Variants in CDH4 observed in about 807,000 individuals in gnomAD.
The protein encoded by CDH4 is cadherin-4.
CDH4 carries 33 observed loss-of-function variants against 86.0 expected under a neutral mutation model. The observed-to-expected ratio is 0.38, with a 90% CI of 0.29 to 0.51. CDH4 has a LOEUF of 0.51. CDH4 is among the 20% of genes least tolerant of loss of function. The pLI is 0.86. For synonymous variants in CDH4, 555 were observed against 549.4 expected (o/e 1.01, Z -0.14); for missense variants, 1,114 against 1,307.4 (o/e 0.85, Z 2.28).
At chr20:61,620,879 G>A (rs933072970) in intron 2 of CDH4, among the ~76,000 whole-genome samples, 11 of 152,280 alleles carry the variant, frequency 7.2e-5, no homozygotes, top group South Asian at 2.1e-4. Flanking sequence ...TTTTCCCAGC[G>A]CCTCCACCAC....
chr20:61,453,960 A>G (rs1306379309), intron 2 of CDH4, among the ~76,000 whole-genome samples: 1 of 152,184 alleles, frequency 6.6e-6, no homozygotes, highest in Non-Finnish European at 1.5e-5. Flanking sequence ...CTTGTGAAGA[A>G]GGATAGGTTT....
At position 61,646,691 on chromosome 20, in the gene CDH4, C is replaced by T. The variant is rs114113370; in HGVS notation, c.170-96872C>T. ...AGACACAGATCAGGCCTCGGCGCCC[C>T]GGCTGCTCGCCTGCCTCCCTGAGTC... is the stretch of plus-strand genomic sequence containing the variant. On this transcript the variant is annotated intron_variant, in intron 2 of 15. Transcript: ENST00000614565. Among the ~76,000 whole-genome samples, 1,121 of 152,366 alleles carry T rather than the reference C, an allele frequency of 7.4e-3. 7 individuals carry two copies. The highest frequency in any genetic ancestry group is 0.025 in the African/African-American group (1,048 of 41,580).
At chr20:61,504,861 G>A (rs1209705572) in intron 2 of CDH4, among the ~76,000 whole-genome samples, 2 of 152,174 alleles carry the variant, frequency 1.3e-5, no homozygotes, top group Non-Finnish European at 2.9e-5. Flanking sequence ...ACCCGTACAC[G>A]CGTCCTCATC....
intron 2 of CDH4, among the ~76,000 whole-genome samples, chr20:61,275,424 T>G (rs1600825739): frequency 2.5e-4 from 7 of 27,572 alleles, no homozygotes; most frequent in Admixed American, 1.1e-3. Context: ...TTTGGGGGAG[T>G]ATTGGGGGAG....
intron 2 of CDH4, among the ~76,000 whole-genome samples, chr20:61,404,545 G>C (rs1295290887): frequency 6.6e-6 from 1 of 152,072 alleles, no homozygotes; most frequent in Non-Finnish European, 1.5e-5. Flanking sequence ...GAGGAGGCCT[G>C]ATTATTCCCG....
intron 2 of CDH4, among the ~76,000 whole-genome samples, chr20:61,481,052 CT>C (rs1290388232): frequency 6.6e-6 from 1 of 152,202 alleles, no homozygotes; most frequent in Admixed American, 6.5e-5. Context: ...CGGTTAAGAA[CT>C]TTGCCAAAGC....
intron 2 of CDH4, among the ~76,000 whole-genome samples, chr20:61,657,802 A>T (rs534225323): frequency 6.6e-6 from 1 of 152,358 alleles, no homozygotes; most frequent in East Asian, 1.9e-4. Context: ...ATGGGCCAAA[A>T]ATCAATAGTG....
intron 2 of CDH4, among the ~76,000 whole-genome samples, chr20:61,341,684 C>A (rs946585684): frequency 6.6e-6 from 1 of 152,044 alleles, no homozygotes; most frequent in Non-Finnish European, 1.5e-5. Context: ...TGATTAATTG[C>A]CATGTGCTAT....
chr20:61,688,267 A>G (rs1377472804), intron 2 of CDH4, among the ~76,000 whole-genome samples: 3 of 151,926 alleles, frequency 2.0e-5, no homozygotes, highest in Admixed American at 1.3e-4. Flanking sequence ...CTGCCAGATC[A>G]AGGGAATTTC....
At chr20:61,763,098 G>A (rs2088656645) in intron 3 of CDH4, among the ~76,000 whole-genome samples, 1 of 152,244 alleles carries the variant, frequency 6.6e-6, no homozygotes, top group Non-Finnish European at 1.5e-5. Context: ...TGACAAGTGA[G>A]GGATGCCACC....
intron 2 of CDH4, among the ~76,000 whole-genome samples, chr20:61,726,166 A>G (rs1431047306): frequency 6.6e-6 from 1 of 152,044 alleles, no homozygotes; most frequent in Non-Finnish European, 1.5e-5. Flanking sequence ...CTCCTGCAGC[A>G]ACAAGTGTGT....
chr20:61,906,828 G>T (rs1049409292), intron 8 of CDH4, among the ~76,000 whole-genome samples: 4 of 152,182 alleles, frequency 2.6e-5, no homozygotes, highest in Non-Finnish European at 5.9e-5. Flanking sequence ...GACCAGTGGT[G>T]TGTGCTGTGG....
chr20:61,692,296 T>G (rs1433967382), intron 2 of CDH4, among the ~76,000 whole-genome samples: 2 of 150,230 alleles, frequency 1.3e-5, no homozygotes, highest in African/African-American at 4.9e-5. Context: ...TGTGTGTCTG[T>G]GTGTGTGTGT....
chr20:61,918,614 AC>A (rs2054931283), intron 9 of CDH4, among the ~76,000 whole-genome samples: 1 of 151,994 alleles, frequency 6.6e-6, no homozygotes, highest in African/African-American at 2.4e-5. Flanking sequence ...AGCAGGGACC[AC>A]CCCTTCCTTC....
chr20:61,564,988 C>A (rs921642902), intron 2 of CDH4, among the ~76,000 whole-genome samples: 2 of 150,124 alleles, frequency 1.3e-5, no homozygotes, highest in Non-Finnish European at 3.0e-5. Flanking sequence ...CACAGGAAAG[C>A]AGCCACCTGG....
At chr20:61,792,162 C>G (rs760364832) in intron 4 of CDH4, among the ~76,000 whole-genome samples, 1 of 151,912 alleles carries the variant, frequency 6.6e-6, no homozygotes, top group African/African-American at 2.4e-5. Context: ...GAGGGGAAAG[C>G]GGGGGCCCAG....
chr20:61,688,322 T>TCCCTCCTCTCTCCC (rs2087611732), intron 2 of CDH4, among the ~76,000 whole-genome samples: 1 of 151,652 alleles, frequency 6.6e-6, no homozygotes, highest in African/African-American at 2.4e-5. Flanking sequence ...ACCTTCCTCC[T>TCCCTCCTCTCTCCC]CCCTCCTCTC....
intron 2 of CDH4, among the ~76,000 whole-genome samples, chr20:61,669,511 T>C (rs1310450661): frequency 6.6e-6 from 1 of 152,198 alleles, no homozygotes; most frequent in Non-Finnish European, 1.5e-5. Flanking sequence ...AATTGGAACT[T>C]AGGTGGCCTA....
At chr20:61,653,655 C>T (rs1252360466) in intron 2 of CDH4, among the ~76,000 whole-genome samples, 1 of 98,980 alleles carries the variant, frequency 1.0e-5, no homozygotes, top group Non-Finnish European at 2.6e-5. Flanking sequence ...TGAGGGGCTC[C>T]TCACTTCTCA....
Sources: allele counts gnomAD v4.1 joint callset (sites outside exome capture counted in the v4.1 genomes callset), GRCh38; gene constraint gnomAD v4.1.1; transcripts MANE v1.5; gene names NCBI Gene and HGNC (gene_info 2026-07-23, HGNC 2026-07-21).